The following TNFAIP6 variants were observed in gnomAD, a reference collection of about 807,000 sequenced individuals.
The protein encoded by TNFAIP6 is tumor necrosis factor-inducible gene 6 protein.
TNFAIP6 carries 36 observed loss-of-function variants against 33.7 expected under a neutral mutation model. The observed-to-expected ratio is 1.07, with a 90% CI of 0.82 to 1.41. The LOEUF (loss-of-function observed/expected upper bound fraction) is 1.41, where lower values mean the gene tolerates loss of function less well. Among genes scored for constraint, TNFAIP6 ranks in the 40% most tolerant of loss-of-function variants. TNFAIP6 has a pLI of 0.00. For missense variants in TNFAIP6, 273 were observed against 331.9 expected (o/e 0.82, Z 1.38); for synonymous variants, 113 against 112.8 (o/e 1.00, Z -0.01).
At chr2:151,375,792 G>C (rs1419340362) in intron 5 of TNFAIP6, among the ~76,000 whole-genome samples, 1 of 152,054 alleles carries the variant, frequency 6.6e-6, no homozygotes, top group African/African-American at 2.4e-5. Context: ...CTCAACCCAG[G>C]GTATAGATTA....
intron 3 of TNFAIP6, 108 bp from the exon 4 acceptor site, chr2:151,369,912 T>G: frequency 2.4e-6 from 2 of 816,400 alleles, no homozygotes; most frequent in Non-Finnish European, 3.9e-6. Flanking sequence ...ACTAAGACAT[T>G]TAACATTTCA....
At position 151,370,253 on chromosome 2, in the gene TNFAIP6, G is replaced by A. The variant is rs78557188; in HGVS notation, c.623+5G>A. The A allele has an allele frequency of 0.034, 54,691 of 1,605,528 alleles. 1,042 individuals carry two copies. Among genetic ancestry groups the A allele is most frequent in the Non-Finnish European group, 0.04 (47,121 of 1,172,450 alleles). ...TGTCCATGGCTTTGTGGGAAGGTAC[G>A]TATGGGTCCCCATACAGGAAGTTAA... is the stretch of plus-strand genomic sequence containing the variant. On this transcript the variant is annotated splice_donor_5th_base_variant and intron_variant, in intron 4 of 5. Transcript: ENST00000243347.
chr2:151,360,689 T>C (rs1032064982), intron 1 of TNFAIP6, among the ~76,000 whole-genome samples: 2 of 152,234 alleles, frequency 1.3e-5, no homozygotes, highest in Non-Finnish European at 2.9e-5. Flanking sequence ...TATTTGTTCA[T>C]ATGGCAACAT....
At chr2:151,359,343 C>T (rs1324690022) in intron 1 of TNFAIP6, among the ~76,000 whole-genome samples, 1 of 151,840 alleles carries the variant, frequency 6.6e-6, no homozygotes, top group Admixed American at 6.6e-5. Context: ...CTTTTGCCTT[C>T]CCTGGGCCAC....
At chr2:151,361,169 G>T (rs1030241863) in intron 1 of TNFAIP6, among the ~76,000 whole-genome samples, 2 of 152,038 alleles carry the variant, frequency 1.3e-5, no homozygotes, top group Admixed American at 6.6e-5. Flanking sequence ...CTGCCTCCCT[G>T]GTTCAAGCAA....
chr2:151,368,121 C>A (rs1223713762), intron 3 of TNFAIP6, among the ~76,000 whole-genome samples: 2 of 151,860 alleles, frequency 1.3e-5, no homozygotes, highest in Admixed American at 1.3e-4. Context: ...CATCCTTATG[C>A]AGACATACAA....
intron 5 of TNFAIP6, among the ~76,000 whole-genome samples, chr2:151,378,797 C>G (rs190693078): frequency 6.6e-6 from 1 of 151,096 alleles, no homozygotes; most frequent in Non-Finnish European, 1.5e-5. Context: ...CCCAAGAGTA[C>G]CTTTTAAATA....
intron 5 of TNFAIP6, among the ~76,000 whole-genome samples, chr2:151,378,129 G>T (rs1003587195): frequency 6.6e-6 from 1 of 152,050 alleles, no homozygotes; most frequent in Non-Finnish European, 1.5e-5. Flanking sequence ...GGGAAGCTGG[G>T]GTAGAAGGAT....
At chr2:151,365,612 C>G (rs1684696194) in intron 2 of TNFAIP6, among the ~76,000 whole-genome samples, 1 of 152,072 alleles carries the variant, frequency 6.6e-6, no homozygotes, top group Non-Finnish European at 1.5e-5. Flanking sequence ...CCACTCCAGC[C>G]TGGGTGACAG....
chr2:151,377,626 G>C (rs1684937878), intron 5 of TNFAIP6, among the ~76,000 whole-genome samples: 1 of 150,962 alleles, frequency 6.6e-6, no homozygotes, highest in Non-Finnish European at 1.5e-5. Flanking sequence ...TGAATTTTTG[G>C]TAGTGTTTTT....
chr2:151,374,504 T>A (rs1353129114), intron 5 of TNFAIP6, among the ~76,000 whole-genome samples: 1 of 152,194 alleles, frequency 6.6e-6, no homozygotes, highest in Non-Finnish European at 1.5e-5. Flanking sequence ...CAAAACTACA[T>A]TGAGTTGCAA....
At chr2:151,363,197 T>C (rs1335791982) in intron 1 of TNFAIP6, among the ~76,000 whole-genome samples, 2 of 151,964 alleles carry the variant, frequency 1.3e-5, no homozygotes, top group Admixed American at 1.3e-4. Flanking sequence ...ATGCCTGTAA[T>C]CCCAGCTACT....
intron 4 of TNFAIP6, among the ~76,000 whole-genome samples, chr2:151,372,467 C>A (rs1239313638): frequency 6.6e-6 from 1 of 152,094 alleles, no homozygotes; most frequent in Non-Finnish European, 1.5e-5. Context: ...CCTTTCAAGT[C>A]ATGATTCAGA....
chr2:151,360,060 C>G (rs1684600033), intron 1 of TNFAIP6, among the ~76,000 whole-genome samples: 2 of 152,022 alleles, frequency 1.3e-5, no homozygotes, highest in African/African-American at 4.8e-5. Context: ...CTGTGGGAGT[C>G]TGAGGTGGGC....
intron 5 of TNFAIP6, among the ~76,000 whole-genome samples, chr2:151,376,363 G>A (rs1486694786): frequency 6.7e-6 from 1 of 149,734 alleles, no homozygotes; most frequent in Non-Finnish European, 1.5e-5. Flanking sequence ...AGGCTGTAGT[G>A]AGCCATGATC....
At chr2:151,376,838 G>A (rs558210776) in intron 5 of TNFAIP6, among the ~76,000 whole-genome samples, 1 of 146,666 alleles carries the variant, frequency 6.8e-6, no homozygotes, top group Non-Finnish European at 1.5e-5. Context: ...GATTCCTACA[G>A]TGCCAATTTA....
At chr2:151,360,959 C>T (rs1210366461) in intron 1 of TNFAIP6, among the ~76,000 whole-genome samples, 1 of 152,068 alleles carries the variant, frequency 6.6e-6, no homozygotes, top group Non-Finnish European at 1.5e-5. Context: ...TGTAACAAAC[C>T]TGCACATGTA....
intron 5 of TNFAIP6, among the ~76,000 whole-genome samples, chr2:151,374,994 A>G (rs899501284): frequency 6.6e-6 from 1 of 152,058 alleles, no homozygotes; most frequent in Non-Finnish European, 1.5e-5. Context: ...GCGTGGAGGC[A>G]CATGCCTGTA....
intron 5 of TNFAIP6, among the ~76,000 whole-genome samples, chr2:151,374,281 G>T (rs1684866363): frequency 6.6e-6 from 1 of 152,006 alleles, no homozygotes; most frequent in Non-Finnish European, 1.5e-5. Context: ...TGTACCTCAA[G>T]AAATGCCCTG....
Sources: gnomAD v4.1 joint callset for allele counts (sites outside exome capture counted in the v4.1 genomes callset) on GRCh38, gnomAD v4.1.1 for gene constraint, MANE v1.5 for transcripts, NCBI Gene and HGNC (gene_info 2026-07-23, HGNC 2026-07-21) for gene names.